The following ALKBH8 variants were observed in gnomAD, a reference collection of about 807,000 sequenced individuals.
The protein encoded by ALKBH8 is alkB homolog 8, tRNA methyltransferase.
A neutral mutation model predicts 59.8 loss-of-function variants in ALKBH8; 36 were observed. That is an observed-to-expected ratio of 0.60 (90% CI 0.46 to 0.79). ALKBH8 has a LOEUF of 0.79. Ranked by LOEUF, ALKBH8 falls within the 30% of genes least tolerant of loss-of-function variation. The pLI is 0.00. For missense variants in ALKBH8, 768 were observed against 801.0 expected, an observed-to-expected ratio of 0.96 and a Z score of 0.50; for synonymous variants, 276 against 273.6, an observed-to-expected ratio of 1.01 and a Z score of -0.09.
At position 107,503,746 on chromosome 11, in the gene ALKBH8, C is replaced by G. The variant is rs1342638555; in HGVS notation, c.*912G>C. Reference sequence around the variant, plus strand: ...TTAGGTCTGAGTGACCACATTCTAACTTTTGTCATTTAAACAAAGGAGTTA... The same window carrying G: ...TTAGGTCTGAGTGACCACATTCTAAGTTTTGTCATTTAAACAAAGGAGTTA... On this transcript the variant is annotated 3_prime_UTR_variant, in exon 12 of 12. Transcript: ENST00000428149. 6.6e-6 allele frequency: 1 copy of G among 152,166 alleles called. No homozygotes were observed. The highest frequency in any genetic ancestry group is 1.5e-5 in the Non-Finnish European group (1 of 68,024). 9.4% of individuals were successfully genotyped at this position (152,166 alleles called of 1,614,324 possible). A position where few individuals can be genotyped will look rare whatever the true frequency, so the allele number is the denominator to read the frequency against.
At chr11:107,518,178 A>T (rs1156589502) in intron 10 of ALKBH8, among the ~76,000 whole-genome samples, 2 of 152,230 alleles carry the variant, frequency 1.3e-5, no homozygotes, top group African/African-American at 4.8e-5. Context: ...TTGCACATTC[A>T]TTATTATATA....
chr11:107,556,797 C>A lies in ALKBH8; in HGVS notation c.336G>T (p.Lys112Asn), dbSNP rs1864733695. ...GKEVVDDLGQ[K>N]ITLYLNFVEK... ...CCACAAAATTCAAATACAGAGTGAT[C>A]TTTTGTCCTAAATCATCCACTACTT... Residue 112 changes from lysine to asparagine, a missense_variant, in exon 3 of 12, where the codon AAG becomes AAT. Lys to Asn is a moderately conservative substitution (Grantham distance 94). Transcript: ENST00000428149. 7.0e-7 allele frequency: 1 copy of A among 1,422,476 alleles called. No homozygotes were observed. The highest frequency in any genetic ancestry group is 9.3e-7 in the Non-Finnish European group (1 of 1,078,810). 88.1% of individuals were successfully genotyped at this position (1,422,476 alleles called of 1,614,324 possible).
chr11:107,546,961 C>T (rs1864285322), intron 7 of ALKBH8, among the ~76,000 whole-genome samples: 1 of 151,976 alleles, frequency 6.6e-6, no homozygotes, highest in South Asian at 2.1e-4. Context: ...CATGGGAACA[C>T]CATGAGTTGG....
intron 10 of ALKBH8, among the ~76,000 whole-genome samples, chr11:107,514,482 GC>G (rs1350246355): frequency 6.6e-6 from 1 of 152,110 alleles, no homozygotes; most frequent in African/African-American, 2.4e-5. Flanking sequence ...GTAAAGTACA[GC>G]TATTTATCTT....
At chr11:107,516,362 G>A (rs551435375) in intron 10 of ALKBH8, among the ~76,000 whole-genome samples, 9 of 152,236 alleles carry the variant, frequency 5.9e-5, no homozygotes, top group African/African-American at 1.7e-4. Flanking sequence ...TAAAGTCCAA[G>A]TCTTTTCAAT....
At chr11:107,538,973 A>T (rs1239047129) in intron 7 of ALKBH8, among the ~76,000 whole-genome samples, 1 of 152,246 alleles carries the variant, frequency 6.6e-6, no homozygotes, top group East Asian at 1.9e-4. Flanking sequence ...ACTAGAGAAA[A>T]TATTTCATAG....
intron 10 of ALKBH8, among the ~76,000 whole-genome samples, chr11:107,520,251 A>G (rs1863051947): frequency 1.3e-5 from 2 of 152,212 alleles, no homozygotes; most frequent in Admixed American, 6.5e-5. Flanking sequence ...GAAATCAGGC[A>G]ATGCAGTAAG....
chr11:107,562,165 G>A (rs1864962212), intron 1 of ALKBH8, among the ~76,000 whole-genome samples: 1 of 152,078 alleles, frequency 6.6e-6, no homozygotes, highest in Non-Finnish European at 1.5e-5. Context: ...CACGTGTGGT[G>A]GTGGGCACCT....
intron 10 of ALKBH8, among the ~76,000 whole-genome samples, chr11:107,517,528 A>G (rs908545033): frequency 2.0e-5 from 3 of 152,220 alleles, no homozygotes; most frequent in Non-Finnish European, 2.9e-5. Context: ...ATATCCATCA[A>G]TGGATGAATA....
At chr11:107,565,405 A>G in intron 1 of ALKBH8, 196 bp downstream of exon 1, 2 of 663,740 alleles carry the variant, frequency 3.0e-6, no homozygotes, top group Non-Finnish European at 5.1e-6. Flanking sequence ...AAACACATGC[A>G]CCCTAAACAC....
At chr11:107,519,327 A>G (rs1032553766) in intron 10 of ALKBH8, among the ~76,000 whole-genome samples, 7 of 151,138 alleles carry the variant, frequency 4.6e-5, no homozygotes, top group Non-Finnish European at 8.9e-5. Flanking sequence ...CTGGTCTCGA[A>G]CTCTCAACCT....
intron 10 of ALKBH8, among the ~76,000 whole-genome samples, chr11:107,516,485 C>G (rs1176934645): frequency 2.0e-5 from 3 of 152,128 alleles, no homozygotes; most frequent in Non-Finnish European, 4.4e-5. Context: ...AATGTAAGAC[C>G]TGAAATTATG....
chr11:107,504,613 T>TA lies in ALKBH8; in HGVS notation c.*44dup. 6.6e-7 allele frequency: 1 copy of TA among 1,521,388 alleles called. No individual in the cohort carries two copies. Among genetic ancestry groups the TA allele is most frequent in the African/African-American group, 1.4e-5 (1 of 71,438 alleles). 94.2% of individuals were successfully genotyped at this position (1,521,388 alleles called of 1,614,324 possible). ...AATTAATTTATTCTCTCTTTTTTTT[T>TA]AAGTGAGCATTTCTTCTTTATATAT... On this transcript the variant is annotated 3_prime_UTR_variant, in exon 12 of 12. Transcript: ENST00000428149.
chr11:107,544,979 A>G (rs1758527021), intron 7 of ALKBH8, among the ~76,000 whole-genome samples: 1 of 152,062 alleles, frequency 6.6e-6, no homozygotes, highest in Admixed American at 6.6e-5. Context: ...GAGAAAGGAG[A>G]GAGGAGCTAC....
intron 5 of ALKBH8, among the ~76,000 whole-genome samples, chr11:107,552,700 C>G (rs1302415711): frequency 6.6e-6 from 1 of 152,152 alleles, no homozygotes; most frequent in Non-Finnish European, 1.5e-5. Context: ...TGAACATAAA[C>G]TTCAACATGA....
At chr11:107,551,005 CT>C (rs1246242416) in intron 6 of ALKBH8, among the ~76,000 whole-genome samples, 1 of 152,194 alleles carries the variant, frequency 6.6e-6, no homozygotes, top group African/African-American at 2.4e-5. Context: ...CATTTGATTG[CT>C]ATAAACGTCA....
At chr11:107,507,388 G>C (rs1203795785) in intron 11 of ALKBH8, among the ~76,000 whole-genome samples, 1 of 152,122 alleles carries the variant, frequency 6.6e-6, no homozygotes, top group Non-Finnish European at 1.5e-5. Context: ...ATAGAGAAGT[G>C]AATTAATAGG....
intron 7 of ALKBH8, among the ~76,000 whole-genome samples, chr11:107,547,191 G>A (rs554118620): frequency 3.3e-5 from 5 of 152,288 alleles, no homozygotes; most frequent in East Asian, 1.9e-4. Context: ...TTCTTAAAAC[G>A]ACTGAGGATG....
intron 7 of ALKBH8, among the ~76,000 whole-genome samples, chr11:107,542,781 G>A (rs746908698): frequency 2.2e-4 from 33 of 152,090 alleles, no homozygotes; most frequent in Non-Finnish European, 3.2e-4. Context: ...ATGGTAGCTC[G>A]TGCCTGCAGT....
Sources: gnomAD v4.1 joint callset for allele counts (sites outside exome capture counted in the v4.1 genomes callset) on GRCh38, gnomAD v4.1.1 for gene constraint, MANE v1.5 for transcripts, NCBI Gene and HGNC (gene_info 2026-07-23, HGNC 2026-07-21) for gene names.